The following PSD3 variants were observed in gnomAD, a reference collection of about 807,000 sequenced individuals.
The protein encoded by PSD3 is PH and SEC7 domain-containing protein 3.
A neutral mutation model predicts 105.5 loss-of-function variants in PSD3; 49 were observed. That is an observed-to-expected ratio of 0.46 (90% CI 0.37 to 0.59). The LOEUF (loss-of-function observed/expected upper bound fraction) is 0.59. Ranked by LOEUF, PSD3 falls within the 20% of genes least tolerant of loss-of-function variation. The probability of loss-of-function intolerance (pLI) is 0.00; values close to 1 mark genes in which losing one functional copy is unlikely to be tolerated. For missense variants in PSD3, 1,561 were observed against 1,263.8 expected, an observed-to-expected ratio of 1.24 and a Z score of -3.57; for synonymous variants, 557 against 457.8, an observed-to-expected ratio of 1.22 and a Z score of -2.77.
chr8:18,945,930 C>T (rs553588070), intron 1 of PSD3, among the ~76,000 whole-genome samples: 12 of 152,254 alleles, frequency 7.9e-5, no homozygotes, highest in African/African-American at 9.6e-5. Flanking sequence ...GCCGAGATCG[C>T]GCCATGCACT....
At chr8:19,068,155 A>G (rs989129548) in intron 1 of PSD3, among the ~76,000 whole-genome samples, 3 of 152,120 alleles carry the variant, frequency 2.0e-5, no homozygotes, top group Admixed American at 2.0e-4. Context: ...CAGAGTCCCC[A>G]GGACACATGA....
rs1800565505 is a variant in PSD3, at chr8:18,548,254, C to T, written c.2928+7955G>A. Among the ~76,000 whole-genome samples the T allele has an allele frequency of 2.0e-5, 3 of 152,098 alleles. No individual in the cohort carries two copies. In the East Asian group the frequency reaches 5.8e-4, roughly 29 times the overall value. ...ACTCTTGTATTCTTATCTTTGTATT[C>T]TGTGGCCTACTGAGTTTTCTTAAAA... On this transcript the variant is annotated intron_variant, in intron 15 of 15. Transcript: ENST00000327040.
Position 18,782,736 on chromosome 8 carries a change from G to A in PSD3, c.2082+16559C>T, listed in dbSNP as rs538761884. Among the ~76,000 whole-genome samples the A allele has an allele frequency of 2.6e-4, 40 of 152,276 alleles. No individual in the cohort carries two copies. The South Asian group carries it at 7.7e-3, about 29-fold the overall frequency. On this transcript the variant is annotated intron_variant, in intron 8 of 15. Transcript: ENST00000327040. Reference sequence around the variant, plus strand: ...GATGGTATGCATAATGTCTGCGGCTGCAACAGCAGCAGAGGGCTAACTTGG... The same window carrying A: ...GATGGTATGCATAATGTCTGCGGCTACAACAGCAGCAGAGGGCTAACTTGG...
chr8:19,014,949 C>T (rs1281560339), upstream of PSD3, among the ~76,000 whole-genome samples: 1 of 152,196 alleles, frequency 6.6e-6, no homozygotes, highest in Non-Finnish European at 1.5e-5. The surrounding 1 kb of genome is among the most constrained non-coding windows in gnomAD (Gnocchi z 4.9). Context: ...AGAAAAACGT[C>T]CGCAGCTCAT....
At chr8:18,838,334 C>T (rs1282106114) in intron 4 of PSD3, among the ~76,000 whole-genome samples, 5 of 152,132 alleles carry the variant, frequency 3.3e-5, no homozygotes, top group South Asian at 2.1e-4. Context: ...GTGAACAAAA[C>T]GGGTTTCCAT....
At chr8:19,046,794 C>T (rs567049340) in intron 1 of PSD3, among the ~76,000 whole-genome samples, 98 of 152,238 alleles carry the variant, frequency 6.4e-4, no homozygotes, top group African/African-American at 2.3e-3. Context: ...CACTGCTGAA[C>T]AGTAGTTAAT....
At chr8:18,875,985 A>T (rs991313426) in intron 2 of PSD3, among the ~76,000 whole-genome samples, 1 of 152,188 alleles carries the variant, frequency 6.6e-6, no homozygotes, top group Non-Finnish European at 1.5e-5. Flanking sequence ...TATAAATGCA[A>T]TCATACAATA....
chr8:18,539,630 C>G (rs1225951755), intron 15 of PSD3, among the ~76,000 whole-genome samples: 1 of 150,982 alleles, frequency 6.6e-6, no homozygotes, highest in East Asian at 2.0e-4. Context: ...TCACTGCAAC[C>G]TCTGCCGACT....
chr8:18,996,980 A>G (rs1298026397), intron 1 of PSD3, among the ~76,000 whole-genome samples: 1 of 151,870 alleles, frequency 6.6e-6, no homozygotes, highest in Middle Eastern at 3.2e-3. Context: ...ATGGCTGGCA[A>G]GACCTCGCAC....
At chr8:19,056,672 G>A (rs1260085374) in intron 1 of PSD3, among the ~76,000 whole-genome samples, 1 of 152,112 alleles carries the variant, frequency 6.6e-6, no homozygotes, top group Non-Finnish European at 1.5e-5. Flanking sequence ...CTCTGTCGCT[G>A]GTTTTCTAGG....
chr8:18,760,369 G>C (rs547674903), intron 9 of PSD3, among the ~76,000 whole-genome samples: 2 of 152,034 alleles, frequency 1.3e-5, no homozygotes, highest in South Asian at 4.1e-4. Context: ...TATTTATATA[G>C]TCGAAAGGAA....
At chr8:19,024,824 A>G (rs749460460) in intron 1 of PSD3, among the ~76,000 whole-genome samples, 1 of 152,118 alleles carries the variant, frequency 6.6e-6, no homozygotes, top group Non-Finnish European at 1.5e-5. Context: ...GAGGGCATGA[A>G]AACCCTGAAG....
At chr8:18,916,037 A>T (rs1216948253) in intron 2 of PSD3, among the ~76,000 whole-genome samples, 1 of 152,070 alleles carries the variant, frequency 6.6e-6, no homozygotes. Flanking sequence ...CGGAGGTTGC[A>T]GTGAGCGGAG....
chr8:18,616,675 G>T (rs1484167438), intron 11 of PSD3, among the ~76,000 whole-genome samples: 3 of 136,606 alleles, frequency 2.2e-5, no homozygotes, highest in African/African-American at 8.2e-5. Flanking sequence ...CCAGGCTGGA[G>T]TGCAGTGGCG....
In PSD3 at chr8:19,006,855, C is replaced by T. The variant is rs1324229111; in HGVS notation, c.21+6708G>A. ...AGCTCTGCAGGTGTCCCCAAAACACCTTAGCTTTGATATATAGCACTGCCC... is the reference window on the plus strand; with the variant it reads ...AGCTCTGCAGGTGTCCCCAAAACACTTTAGCTTTGATATATAGCACTGCCC... On this transcript the variant is annotated intron_variant, in intron 1 of 15. Transcript: ENST00000327040. 2.0e-5 allele frequency among the ~76,000 whole-genome samples: 3 copies of T among 152,016 alleles called. No individual in the cohort carries two copies. In the East Asian group the frequency reaches 5.8e-4, roughly 29 times the overall value.
At chr8:19,026,137 T>G (rs918743220) in intron 1 of PSD3, among the ~76,000 whole-genome samples, 3 of 152,138 alleles carry the variant, frequency 2.0e-5, no homozygotes, top group African/African-American at 7.2e-5. Context: ...GCCCCCATGA[T>G]TCAATTGCCT....
intron 9 of PSD3, among the ~76,000 whole-genome samples, chr8:18,711,530 G>A (rs1406404008): frequency 2.6e-5 from 4 of 152,130 alleles, no homozygotes; most frequent in Non-Finnish European, 2.9e-5. Flanking sequence ...AAAATACAAA[G>A]AAGTGCCTCA....
rs368584219 is a variant in PSD3 at position 18,690,076 on chromosome 8, G to T, written c.2173-34391C>A. The stretch of plus-strand genomic sequence containing the variant: ...ACATATCTCTTCAGACTACATTAAG[G>T]CCTGAAAGGTTATCTTGAAATGGAA... On this transcript the variant is annotated intron_variant, in intron 9 of 15. Transcript: ENST00000327040. 1.5e-4 allele frequency among the ~76,000 whole-genome samples: 23 copies of T among 152,232 alleles called. 2 individuals are homozygous for T. In the East Asian group the frequency reaches 3.9e-3, roughly 26 times the overall value.
intron 14 of PSD3, among the ~76,000 whole-genome samples, chr8:18,559,720 T>C (rs1313773755): frequency 1.3e-5 from 2 of 152,232 alleles, no homozygotes; most frequent in African/African-American, 4.8e-5. Context: ...CAATCTTGAA[T>C]ATTCAAATGT....
Sources: allele counts gnomAD v4.1 joint callset (sites outside exome capture counted in the v4.1 genomes callset), GRCh38; gene constraint gnomAD v4.1.1; non-coding constraint Gnocchi (gnomAD v3.1); transcripts MANE v1.5; gene names NCBI Gene and HGNC (gene_info 2026-07-23, HGNC 2026-07-21).